The following KIF5B variants were observed in gnomAD, a reference collection of about 807,000 sequenced individuals.
The protein encoded by KIF5B is kinesin family member 5B.
Under a neutral mutation model 132.8 loss-of-function variants are expected in KIF5B, and 49 were observed. The observed-to-expected ratio is 0.37, with a 90% CI of 0.29 to 0.47. The LOEUF (loss-of-function observed/expected upper bound fraction) is 0.47. Among genes scored for constraint, KIF5B ranks in the 20% least tolerant of loss-of-function variants. The pLI is 1.00. For synonymous variants in KIF5B, 355 were observed against 369.4 expected, an observed-to-expected ratio of 0.96 and a Z score of 0.45; for missense variants, 780 against 1,144.0, an observed-to-expected ratio of 0.68 and a Z score of 4.59.
At chr10:32,034,094 A>C in intron 11 of KIF5B, 56 bp from the exon 12 acceptor site, 1 of 1,133,630 alleles carries the variant, frequency 8.8e-7, no homozygotes, top group Non-Finnish European at 1.2e-6. Context: ...GCTAATTTCA[A>C]TTTCATTCCT....
chr10:32,039,765 A>C (rs1490260576), intron 3 of KIF5B, among the ~76,000 whole-genome samples: 1 of 152,160 alleles, frequency 6.6e-6, no homozygotes, highest in Non-Finnish European at 1.5e-5. Context: ...TTCGAGGCAA[A>C]TTCATGCAAA....
chr10:32,051,688 G>C (rs1166399281), intron 1 of KIF5B, among the ~76,000 whole-genome samples: 1 of 152,142 alleles, frequency 6.6e-6, no homozygotes, highest in East Asian at 1.9e-4. Flanking sequence ...GTCTTATCTT[G>C]ATTGCAAAAC....
intron 14 of KIF5B, 60 bp downstream of exon 14, chr10:32,031,012 GT>G (rs35503572): frequency 8.3e-7 from 1 of 1,203,968 alleles, no homozygotes; most frequent in Non-Finnish European, 1.2e-6. Context: ...TATTTAAGTA[GT>G]TTTTAGGTTA....
At chr10:32,038,355 C>G in intron 5 of KIF5B, 137 bp from the exon 6 acceptor site, 2 of 638,040 alleles carry the variant, frequency 3.1e-6, no homozygotes, top group East Asian at 2.6e-5. Flanking sequence ...TGCTCTAAAG[C>G]AGACCTTACA....
Position 32,017,235 on chromosome 10 carries a change from C to A in KIF5B, c.2669G>T (p.Arg890Leu), listed in dbSNP as rs547388371. ...TTCTTGCTGATAGCGTTTGCGATCA[C>A]GAGATGCATTTTCTTTAGCTTCTTT... is the stretch of plus-strand genomic sequence containing the variant. ...ALKEAKENAS[R>L]DRKRYQQEVD... Residue 890 changes from arginine (R) to leucine (L), a missense_variant, in exon 24 of 26, where the codon CGT becomes CTT. Arg to Leu is a moderately radical substitution (Grantham distance 102). This residue lies in a region of KIF5B where 90 missense variants were observed against 101.8 expected (regional missense o/e 0.88). Coordinates refer to ENST00000302418, the MANE Select transcript of KIF5B (RefSeq NM_004521.3). 4.3e-6 allele frequency: 7 copies of A among 1,614,094 alleles called. 1 individual carries two copies. The highest frequency in any genetic ancestry group is 5.9e-6 in the Non-Finnish European group (7 of 1,180,044).
chr10:32,025,486 G>A (rs11008734), intron 15 of KIF5B, among the ~76,000 whole-genome samples: 2 of 152,140 alleles, frequency 1.3e-5, no homozygotes, highest in Middle Eastern at 3.4e-3. Flanking sequence ...AGCAATTCTC[G>A]TGCCTTAGCC....
chr10:32,028,396 A>C (rs1841359276), intron 15 of KIF5B, 32 bp downstream of exon 15: 3 of 1,559,682 alleles, frequency 1.9e-6, no homozygotes, highest in South Asian at 2.3e-5. Context: ...GTATACAGAT[A>C]ATTGTCCTTA....
intron 1 of KIF5B, among the ~76,000 whole-genome samples, chr10:32,053,035 TTC>T (rs1329023830): frequency 6.6e-6 from 1 of 152,238 alleles, no homozygotes; most frequent in African/African-American, 2.4e-5. Flanking sequence ...AACTACAATA[TTC>T]TTTCAATTTT....
chr10:32,020,748 C>T (rs972479457), intron 19 of KIF5B, among the ~76,000 whole-genome samples: 2 of 151,874 alleles, frequency 1.3e-5, no homozygotes, highest in African/African-American at 4.8e-5. Flanking sequence ...AAAAAGGAAA[C>T]TAAATAAAGG....
At chr10:32,028,191 T>C (rs923087747) in intron 15 of KIF5B, among the ~76,000 whole-genome samples, 4 of 151,922 alleles carry the variant, frequency 2.6e-5, no homozygotes, top group African/African-American at 4.8e-5. Flanking sequence ...GAAAATGTTA[T>C]AGTAAAGAAT....
chr10:32,015,249 A>G (rs1234487046), intron 25 of KIF5B, among the ~76,000 whole-genome samples: 2 of 152,228 alleles, frequency 1.3e-5, no homozygotes, highest in African/African-American at 4.8e-5. Context: ...AGGAATGTTT[A>G]TAAACCATGG....
chr10:32,015,101 G>A (rs762454098), intron 25 of KIF5B, among the ~76,000 whole-genome samples: 10 of 149,774 alleles, frequency 6.7e-5, no homozygotes, highest in Non-Finnish European at 1.3e-4. Flanking sequence ...CAGGCTGGGC[G>A]ACAAGAGTGA....
chr10:32,032,608 A>C, intron 13 of KIF5B, 98 bp downstream of exon 13: 1 of 914,612 alleles, frequency 1.1e-6, no homozygotes, highest in Non-Finnish European at 1.8e-6. Flanking sequence ...AGACAGTCAT[A>C]CCCAAAATTA....
At position 32,015,629 on chromosome 10, in the gene KIF5B, G is replaced by C; in HGVS notation, c.2792C>G (p.Ala931Gly). The change falls in exon 25 of 26, where the codon GCA becomes GGA. Residue 931 changes from alanine to glycine, a missense_variant. Physicochemically the swap from Ala to Gly is moderately conservative, Grantham distance 60 (BLOSUM62 0). This residue lies in a region of KIF5B where 90 missense variants were observed against 101.8 expected (regional missense o/e 0.88). Coordinates refer to ENST00000302418, the MANE Select transcript of KIF5B (RefSeq NM_004521.3). Reference sequence around the variant, plus strand: ...TGCACTTGGGTGAGTTGGAGAAGCTGCTGGATGTTGCCCGGGACGAATAGG... The same window carrying C: ...TGCACTTGGGTGAGTTGGAGAAGCTCCTGGATGTTGCCCGGGACGAATAGG... ...AKPIRPGQHP[A>G]ASPTHPSAIR... 6.2e-7 allele frequency: 1 copy of C among 1,613,456 alleles called. No homozygotes were observed. The highest frequency in any genetic ancestry group is 8.5e-7 in the Non-Finnish European group (1 of 1,179,550).
intron 25 of KIF5B, 49 bp downstream of exon 25, chr10:32,015,460 A>T (rs1330643753): frequency 7.1e-7 from 1 of 1,405,146 alleles, no homozygotes; most frequent in Non-Finnish European, 9.5e-7. Context: ...CCTATTTAAC[A>T]ACCAATTTTC....
chr10:32,018,460 C>G, intron 21 of KIF5B, 42 bp downstream of exon 21: 1 of 1,591,794 alleles, frequency 6.3e-7, no homozygotes, highest in Non-Finnish European at 8.5e-7. Context: ...AAAAAACCCA[C>G]AAAATATTTC....
chr10:32,026,072 A>T (rs1431947269), intron 15 of KIF5B, among the ~76,000 whole-genome samples: 1 of 152,214 alleles, frequency 6.6e-6, no homozygotes, highest in Admixed American at 6.5e-5. Context: ...TAAAATCCAC[A>T]CAACTATAGA....
intron 23 of KIF5B, 50 bp from the exon 24 acceptor site, chr10:32,017,409 G>GA (rs1310175237): frequency 7.3e-7 from 1 of 1,363,782 alleles, no homozygotes; most frequent in East Asian, 2.4e-5. Context: ...AGGATGACTT[G>GA]AAAAAGTATG....
intron 13 of KIF5B, among the ~76,000 whole-genome samples, chr10:32,032,125 G>C (rs1841410703): frequency 6.6e-6 from 1 of 152,018 alleles, no homozygotes. Context: ...CCGGAAATCT[G>C]TGGGAGTGTT....
Sources: allele counts gnomAD v4.1 joint callset (sites outside exome capture counted in the v4.1 genomes callset), GRCh38; gene constraint gnomAD v4.1.1; regional missense constraint gnomAD v4.1.1; transcripts MANE v1.5; gene names NCBI Gene and HGNC (gene_info 2026-07-23, HGNC 2026-07-21).